Variants in ARAP2 observed in about 807,000 individuals in gnomAD.
ARAP2 encodes ArfGAP with RhoGAP domain, ankyrin repeat and PH domain 2, also known as arf-GAP with Rho-GAP domain, ANK repeat and PH domain-containing protein 2.
In ARAP2, 148 loss-of-function variants were observed where a neutral mutation model predicts 194.5. The observed-to-expected ratio is 0.76, with a 90% CI of 0.67 to 0.87. The LOEUF (loss-of-function observed/expected upper bound fraction) is 0.87, where lower values mean the gene tolerates loss of function less well. ARAP2 is among the 40% of genes least tolerant of loss of function. The probability of loss-of-function intolerance (pLI) is 0.00; values close to 1 mark genes in which losing one functional copy is unlikely to be tolerated. For missense variants in ARAP2, 2,128 were observed against 1,989.7 expected (o/e 1.07, Z -1.32); for synonymous variants, 695 against 683.5 (o/e 1.02, Z -0.26).
At chr4:36,091,748 A>G (rs1577840178) in intron 28 of ARAP2, 133 bp downstream of exon 28, 3 of 998,322 alleles carry the variant, frequency 3.0e-6, no homozygotes, top group Non-Finnish European at 4.1e-6. Flanking sequence ...CATAGGCTGA[A>G]GCAAATCATC....
At chr4:36,214,735 T>C (rs1747535088) in intron 2 of ARAP2, among the ~76,000 whole-genome samples, 1 of 152,220 alleles carries the variant, frequency 6.6e-6, no homozygotes, top group Non-Finnish European at 1.5e-5. Flanking sequence ...AAATTTTCTT[T>C]GCAAAGGACA....
At chr4:36,039,518 CT>C (rs921191391) in intron 5 of ARAP2, among the ~76,000 whole-genome samples, 1 of 152,128 alleles carries the variant, frequency 6.6e-6, no homozygotes, top group Non-Finnish European at 1.5e-5. Flanking sequence ...CTTGTGCCCC[CT>C]GGTAGGCTTG....
In ARAP2 at chr4:36,083,465, A is replaced by C; in HGVS notation, c.4426-15T>G. 6.7e-7 allele frequency: 1 copy of C among 1,493,972 alleles called. No homozygotes were observed. The highest frequency in any genetic ancestry group is 9.1e-7 in the Non-Finnish European group (1 of 1,097,382). 92.5% of individuals were successfully genotyped at this position (1,493,972 alleles called of 1,614,324 possible). On this transcript the variant is annotated splice_polypyrimidine_tract_variant and intron_variant, in intron 28 of 32. Coordinates refer to ENST00000303965, the MANE Select transcript of ARAP2 (RefSeq NM_015230.4). ...TGTTTACTACTCTGTAAGGTAAAAA[A>C]ATAATTTGTAATTAAATGGATTTAC...
At chr4:36,216,955 T>G (rs1748057695) in intron 2 of ARAP2, among the ~76,000 whole-genome samples, 1 of 152,196 alleles carries the variant, frequency 6.6e-6, no homozygotes, top group African/African-American at 2.4e-5. Flanking sequence ...TTACATGGTA[T>G]AGCCATTATA....
At chr4:36,089,674 C>T (rs558129218) in intron 28 of ARAP2, among the ~76,000 whole-genome samples, 5 of 152,086 alleles carry the variant, frequency 3.3e-5, no homozygotes, top group African/African-American at 1.2e-4. Flanking sequence ...TTTAATTTCC[C>T]GATTATTAAT....
chr4:36,078,178 C>G (rs1728672780), intron 31 of ARAP2, among the ~76,000 whole-genome samples: 2 of 152,164 alleles, frequency 1.3e-5, no homozygotes, highest in African/African-American at 4.8e-5. Flanking sequence ...AAGAGTCCTT[C>G]TTTTCATGGA....
intron 26 of ARAP2, among the ~76,000 whole-genome samples, chr4:36,108,180 T>C (rs935792465): frequency 2.0e-5 from 3 of 151,916 alleles, no homozygotes; most frequent in African/African-American, 7.2e-5. Context: ...TGAACAGGCA[T>C]GAACCACCAT....
downstream of ARAP2, among the ~76,000 whole-genome samples, chr4:36,063,470 A>G (rs1724808034): frequency 6.6e-6 from 1 of 152,168 alleles, no homozygotes; most frequent in Non-Finnish European, 1.5e-5. Context: ...AAGAAAAAAA[A>G]AAAAAAGAGA....
chr4:36,053,151 C>G (rs978457048), intron 2 of ARAP2, among the ~76,000 whole-genome samples: 3 of 151,658 alleles, frequency 2.0e-5, no homozygotes, highest in Non-Finnish European at 4.4e-5. Context: ...GGGTTACAGG[C>G]GCCTGCCACC....
chr4:36,159,398 G>A lies in ARAP2; in HGVS notation c.2550C>T (p.Pro850=), dbSNP rs568112160. ...CATGDPVHST[P]YLLAKKAGQS... ...GCCCAGCTTTCTTGGCTAGCAGATA[G>A]GGGGTGCTATGCACGGGGTCTCCGG... The change falls in exon 14 of 33, where the codon CCC becomes CCT. Residue 850 remains proline (P), a synonymous_variant. Coordinates refer to ENST00000303965, the MANE Select transcript of ARAP2 (RefSeq NM_015230.4). The A allele has an allele frequency of 1.3e-5, 21 of 1,611,326 alleles. No individual in the cohort carries two copies. The highest frequency in any genetic ancestry group is 5.0e-5 in the Admixed American group (3 of 59,790).
At chr4:36,084,032 G>A (rs1017966047) in intron 28 of ARAP2, among the ~76,000 whole-genome samples, 3 of 151,994 alleles carry the variant, frequency 2.0e-5, no homozygotes, top group African/African-American at 7.2e-5. Flanking sequence ...TTGTACTCTT[G>A]GACTTACACC....
rs1723748724 is a variant in ARAP2 at position 36,057,681 on chromosome 4, ATTT to A, written n.321+286_321+288del. 2.0e-5 allele frequency among the ~76,000 whole-genome samples: 3 copies of A among 151,988 alleles called. No individual in the cohort carries two copies. In the South Asian group the frequency reaches 6.2e-4, roughly 31 times the overall value. ...AGTTACTATGTTTTTAACTTCTAAA[ATTT>A]TTATTTGATTTTTTAAAATTCCAAT... On this transcript the variant is annotated intron_variant and non_coding_transcript_variant, in intron 2 of 12. Coordinates refer to the ARAP2 transcript ENST00000503225.
chr4:36,092,074 A>G, intron 27 of ARAP2, 54 bp from the exon 28 acceptor site: 4 of 1,473,792 alleles, frequency 2.7e-6, no homozygotes, highest in South Asian at 1.5e-5. Context: ...CTTATTTGAA[A>G]TACAATACAA....
At chr4:36,189,862 CT>C (rs1218169253) in intron 7 of ARAP2, among the ~76,000 whole-genome samples, 1 of 152,118 alleles carries the variant, frequency 6.6e-6, no homozygotes, top group African/African-American at 2.4e-5. Flanking sequence ...TTATTTTCAC[CT>C]GAAGACTTAC....
intron 19 of ARAP2, 142 bp from the exon 20 acceptor site, chr4:36,133,531 T>C (rs1212397357): frequency 1.4e-6 from 1 of 719,326 alleles, no homozygotes; most frequent in African/African-American, 1.8e-5. Flanking sequence ...TTCCACTCAA[T>C]CCCTCTTTTG....
At chr4:36,009,600 A>T (rs1442322196) in intron 9 of ARAP2, among the ~76,000 whole-genome samples, 4 of 152,090 alleles carry the variant, frequency 2.6e-5, no homozygotes, top group Non-Finnish European at 5.9e-5. Flanking sequence ...AACATCACAC[A>T]ATATACCTTT....
At chr4:36,159,627 G>A (rs186965161) in intron 13 of ARAP2, 122 bp from the exon 14 acceptor site, 30 of 877,838 alleles carry the variant, frequency 3.4e-5, no homozygotes, top group African/African-American at 2.6e-4. Context: ...ATCCTAAGGC[G>A]GCTAATAATA....
intron 1 of ARAP2, among the ~76,000 whole-genome samples, chr4:36,236,533 T>G (rs1752491297): frequency 6.6e-6 from 1 of 152,114 alleles, no homozygotes. Flanking sequence ...GTTAGAAACT[T>G]TGTGAGAAAA....
chr4:36,164,543 G>A (rs1199230027), intron 11 of ARAP2, among the ~76,000 whole-genome samples: 1 of 152,142 alleles, frequency 6.6e-6, no homozygotes, highest in African/African-American at 2.4e-5. Flanking sequence ...ACACTGAGGT[G>A]AAAAATATGT....
Sources: gnomAD v4.1 joint callset for allele counts (sites outside exome capture counted in the v4.1 genomes callset) on GRCh38, gnomAD v4.1.1 for gene constraint, MANE v1.5 for transcripts, NCBI Gene and HGNC (gene_info 2026-07-23, HGNC 2026-07-21) for gene names.